Variants in LIME1 observed in about 807,000 individuals in gnomAD.
The protein encoded by LIME1 is Lck interacting transmembrane adaptor 1.
Under a neutral mutation model 18.8 loss-of-function variants are expected in LIME1, and 23 were observed. The observed-to-expected ratio is 1.22, with a 90% confidence interval of 0.88 to 1.73. The LOEUF is 1.73. Among genes scored for constraint, LIME1 ranks in the 40% most tolerant of loss-of-function variants. The probability of loss-of-function intolerance (pLI) is 0.00; values close to 1 mark genes in which losing one functional copy is unlikely to be tolerated. For synonymous variants in LIME1, 177 were observed against 182.3 expected, an observed-to-expected ratio of 0.97 and a Z score of 0.23; for missense variants, 423 against 396.8, an observed-to-expected ratio of 1.07 and a Z score of -0.56.
chr20:63,737,376 A>G (rs895835883), intron 1 of LIME1, 157 bp from the exon 2 acceptor site: 18 of 1,338,418 alleles, frequency 1.3e-5, no homozygotes, highest in Non-Finnish European at 1.7e-5. Context: ...CACCTCTGGG[A>G]GGGAGGGACT....
chr20:63,737,984 G>T lies in LIME1; in HGVS notation c.192G>T (p.Arg64Ser). The change falls in exon 4 of 6, where the codon AGG becomes AGT. Residue 64 changes from arginine (R) to serine (S), a missense_variant. Arg to Ser is a moderately radical substitution (Grantham distance 110). Transcript: ENST00000309546. Reference sequence around the variant, plus strand: ...TTCCTCGCCCCCAGTCCCTACTGAGGCGGACCCACCTCTGCTCCCTCAGCA... The same window carrying T: ...TTCCTCGCCCCCAGTCCCTACTGAGTCGGACCCACCTCTGCTCCCTCAGCA... ...SATAAEASLL[R>S]RTHLCSLSKS... is the part of the protein sequence containing the mutation. 6.4e-7 allele frequency: 1 copy of T among 1,571,358 alleles called. No homozygotes were observed.
At position 63,738,718 on chromosome 20, in the gene LIME1, C is replaced by A. The variant is rs1303400743; in HGVS notation, c.706C>A (p.Gln236Lys). Residue 236 changes from glutamine (Q) to lysine (K), a missense_variant, in exon 6 of 6, where the codon CAG (glutamine) becomes AAG (lysine). Transcript: ENST00000309546. The part of the protein sequence containing the change: ...ILALAGDLAY[Q>K]TLPLRALDVD... ...GGCCCTGGCGGGTGACCTGGCCTAC[C>A]AGACCCTCCCGCTCAGGGCCCTGGA... is the stretch of plus-strand genomic sequence containing the variant. The A allele has an allele frequency of 1.9e-6, 3 of 1,612,980 alleles. No homozygotes were observed. The highest frequency in any genetic ancestry group is 2.5e-6 in the Non-Finnish European group (3 of 1,179,914).
upstream of LIME1, chr20:63,735,862 C>T (rs147615653): frequency 3.6e-4 from 582 of 1,612,858 alleles, 1 homozygote; most frequent in African/African-American, 6.1e-3. Flanking sequence ...CTCAGGAAGC[C>T]GGCCTGCAGC....
At position 63,737,654 on chromosome 20, in the gene LIME1, C is replaced by A. The variant is rs1391469653; in HGVS notation, c.98+7C>A. ...TGTGCACAGCCTGCCGCAGGTAGGTCCCTCAGCCGCGTTCTGTCTGGGGCC... is the reference window on the plus strand; with the variant it reads ...TGTGCACAGCCTGCCGCAGGTAGGTACCTCAGCCGCGTTCTGTCTGGGGCC... On this transcript the variant is annotated splice_region_variant and intron_variant, in intron 2 of 5. Transcript: ENST00000309546. The A allele has an allele frequency of 1.9e-6, 3 of 1,571,536 alleles. No homozygotes were observed. Among genetic ancestry groups the A allele is most frequent in the South Asian group, 1.2e-5 (1 of 85,718 alleles).
chr20:63,735,781 G>T (rs1375653634), upstream of LIME1: 1 of 1,598,644 alleles, frequency 6.3e-7, no homozygotes, highest in Admixed American at 1.7e-5. Flanking sequence ...CCCTCCGCAG[G>T]CATAGCGTGG....
At chr20:63,735,947 G>A (rs779996546), upstream of LIME1, 12 of 1,595,238 alleles carry the variant, frequency 7.5e-6, no homozygotes, top group African/African-American at 1.2e-4. Flanking sequence ...TGGACGAAGC[G>A]TGGGACCCCA....
rs371829959 is a variant in LIME1 at position 63,738,643 on chromosome 20, C to G, written c.631C>G (p.Pro211Ala). Reference sequence around the variant, plus strand: ...GGTCTGCAAGCCTAAAAGGAGGGACCCAGGACCCACCACAGACCCGCTGGA... The same window carrying G: ...GGTCTGCAAGCCTAAAAGGAGGGACGCAGGACCCACCACAGACCCGCTGGA... Reference protein sequence around the residue: ...SRVCKPKRRDPGPTTDPLDPK... With the variant: ...SRVCKPKRRDAGPTTDPLDPK... Residue 211 changes from proline to alanine, a missense_variant, in exon 6 of 6, where the codon CCA becomes GCA. Transcript: ENST00000309546. 60 of 1,607,842 alleles carry G rather than the reference C, an allele frequency of 3.7e-5. 2 individuals are homozygous for G. The South Asian group carries it at 4.2e-4, about 11-fold the overall frequency.
chr20:63,737,485 G>A, intron 1 of LIME1, 48 bp from the exon 2 acceptor site: 3 of 1,409,146 alleles, frequency 2.1e-6, no homozygotes, highest in Non-Finnish European at 1.9e-6. Context: ...GCCAGGTGGC[G>A]CCAGGTCCCC....
At chr20:63,736,049 C>G, upstream of LIME1, 1 of 1,337,522 alleles carries the variant, frequency 7.5e-7, no homozygotes, top group Admixed American at 2.7e-5. Context: ...GGAGACAGAG[C>G]TGCGGGGTCC....
rs897614813 is a variant in LIME1 at position 63,738,337 on chromosome 20, C to T, written c.423C>T (p.Leu141=). The change falls in exon 5 of 6, where the codon CTC becomes CTT. Residue 141 remains leucine, a synonymous_variant. Coordinates refer to ENST00000309546, the MANE Select transcript of LIME1 (RefSeq NM_017806.4). ...AAAATAGCAG[L]EATYSNVGLA... ...CAGCCACCGCAGGGTGCGCTGGCCTCGAGGCCACCTATTCCAACGTGGGGC... is the reference window on the plus strand; with the variant it reads ...CAGCCACCGCAGGGTGCGCTGGCCTTGAGGCCACCTATTCCAACGTGGGGC... The T allele has an allele frequency of 1.6e-5, 25 of 1,558,070 alleles. No homozygotes were observed. The highest frequency in any genetic ancestry group is 5.7e-5 in the Admixed American group (3 of 52,878).
At chr20:63,736,568 T>C, upstream of LIME1, 1 of 975,392 alleles carries the variant, frequency 1.0e-6, no homozygotes, top group Middle Eastern at 5.3e-4. Flanking sequence ...GCTGCGGTGG[T>C]GGCTGCTGCC....
chr20:63,738,796 G>A lies in LIME1; in HGVS notation c.784G>A (p.Asp262Asn), dbSNP rs371570729. ...NVYESIRELG[D>N]PAGRSSTCGA... The stretch of plus-strand genomic sequence containing the variant: ...GTATGAGAGCATCCGGGAGCTGGGG[G>A]ACCCTGCTGGCAGGAGCAGCACGTG... Residue 262 changes from aspartate to asparagine, a missense_variant, in exon 6 of 6, where the codon GAC (aspartate) becomes AAC (asparagine). Asp to Asn is a conservative substitution (Grantham distance 23). Transcript: ENST00000309546. 1 of 1,612,730 alleles carries A rather than the reference G, an allele frequency of 6.2e-7. No individual in the cohort carries two copies. Among genetic ancestry groups the A allele is most frequent in the Non-Finnish European group, 8.5e-7 (1 of 1,179,922 alleles).
Position 63,737,633 on chromosome 20 carries a change from C to T in LIME1, c.84C>T (p.Cys28=), listed in dbSNP as rs1234594612. The change falls in exon 2 of 6, where the codon TGC becomes TGT. Residue 28 remains cysteine, a synonymous_variant. Coordinates refer to ENST00000309546, the MANE Select transcript of LIME1 (RefSeq NM_017806.4). ...CALLLSLWAL[C]TACRRPEDAV... The stretch of plus-strand genomic sequence containing the variant: ...TGCTCCTCTCGCTGTGGGCGCTGTG[C>T]ACAGCCTGCCGCAGGTAGGTCCCTC... The T allele has an allele frequency of 6.3e-7, 1 of 1,593,254 alleles. No individual in the cohort carries two copies.
At chr20:63,735,979 A>G (rs1187098053), upstream of LIME1, 2 of 1,567,392 alleles carry the variant, frequency 1.3e-6, no homozygotes, top group Non-Finnish European at 8.7e-7. Context: ...CCTCAGGAAG[A>G]CCAGTGTTGC....
At chr20:63,737,098 C>T (rs1235584461) in intron 1 of LIME1, 15 of 989,266 alleles carry the variant, frequency 1.5e-5, no homozygotes, top group Non-Finnish European at 1.8e-5. Context: ...CTTCCCAGTT[C>T]TGGGCTCCGC....
In LIME1 at chr20:63,739,003, C is replaced by A; in HGVS notation, c.*103C>A. On this transcript the variant is annotated 3_prime_UTR_variant, in exon 6 of 6. Transcript: ENST00000309546. ...AGTCCCAGGTCCCCGGGCTGCCAGC[C>A]CGTGAGGTCCGTGAGGTCCTGGCCG... 1.0e-6 allele frequency: 1 copy of A among 988,086 alleles called. No homozygotes were observed. Among genetic ancestry groups the A allele is most frequent in the Non-Finnish European group, 1.5e-6 (1 of 689,512 alleles). 61.2% of individuals were successfully genotyped at this position (988,086 alleles called of 1,614,324 possible).
chr20:63,737,880 G>T lies in LIME1; in HGVS notation c.158G>T (p.Gly53Val). ...CGGAGGCAGCGGGCGAGGCTGCAGG[G>T]CAGTGCGACGGCGGCGGAAGCGGTG... The part of the protein sequence containing the change: ...RARRQRARLQ[G>V]SATAAEASLL... The change falls in exon 3 of 6, where the codon GGC becomes GTC. Residue 53 changes from glycine to valine, a missense_variant. Gly to Val is a moderately radical substitution (Grantham distance 109). Transcript: ENST00000309546. The T allele has an allele frequency of 6.3e-7, 1 of 1,580,976 alleles. No individual in the cohort carries two copies. The highest frequency in any genetic ancestry group is 8.6e-7 in the Non-Finnish European group (1 of 1,168,814).
Position 63,738,078 on chromosome 20 carries a change from C to CGGGGGGGGGGG in LIME1, c.268+23_268+24insGGGGGGGGGGG. ...CAGCAGGGGTGAGCAGAGGGCGGGG[C>CGGGGGGGGGGG]GGGGGCGGCCGGGCGGGGCTTACTG... On this transcript the variant is annotated intron_variant, in intron 4 of 5. Transcript: ENST00000309546. The CGGGGGGGGGGG allele has an allele frequency of 2.6e-6, 3 of 1,171,666 alleles. No homozygotes were observed. The highest frequency in any genetic ancestry group is 2.3e-5 in the Admixed American group (1 of 43,854). The allele number at this position is 1,171,666 out of a possible 1,614,324, so 72.6% of individuals were successfully genotyped here.
chr20:63,736,836 A>T (rs1308618022), intron 1 of LIME1, 124 bp downstream of exon 1: 35 of 986,368 alleles, frequency 3.5e-5, no homozygotes, highest in Non-Finnish European at 4.1e-5. Context: ...AACTCCAGAG[A>T]CCACCCCTCA....
Sources: gnomAD v4.1 joint callset for allele counts on GRCh38, gnomAD v4.1.1 for gene constraint, MANE v1.5 for transcripts, NCBI Gene and HGNC (gene_info 2026-07-23, HGNC 2026-07-21) for gene names.